Variants in SORCS2 observed in about 807,000 individuals in gnomAD.
SORCS2 encodes sortilin related VPS10 domain containing receptor 2.
Under a neutral mutation model 141.6 loss-of-function variants are expected in SORCS2, and 100 were observed. The ratio of observed to expected loss-of-function variants is 0.71; its 90% CI spans 0.60 to 0.83. SORCS2 has a LOEUF of 0.83. Ranked by LOEUF, SORCS2 falls within the 40% of genes least tolerant of loss-of-function variation. The pLI is 0.00. For missense variants in SORCS2, 1,646 were observed against 1,560.2 expected, an observed-to-expected ratio of 1.05 and a Z score of -0.93; for synonymous variants, 789 against 676.9, an observed-to-expected ratio of 1.17 and a Z score of -2.57.
At position 7,312,348 on chromosome 4, in the gene SORCS2, C is replaced by T. The variant is rs533531398; in HGVS notation, c.481-83940C>T. 3.0e-4 allele frequency among the ~76,000 whole-genome samples: 45 copies of T among 152,332 alleles called. No individual in the cohort carries two copies. The East Asian group carries it at 3.5e-3, about 12-fold the overall frequency. On this transcript the variant is annotated intron_variant, in intron 1 of 26. Coordinates refer to ENST00000507866, the MANE Select transcript of SORCS2 (RefSeq NM_020777.3). ...GCTGGACCCTGAGAAGCTCCCACTC[C>T]GGTCTATTGATCTTGTCCTGGCTCT... is the stretch of plus-strand genomic sequence containing the variant.
At chr4:7,441,514 G>C (rs980145082) in intron 2 of SORCS2, among the ~76,000 whole-genome samples, 1 of 151,960 alleles carries the variant, frequency 6.6e-6, no homozygotes, top group Admixed American at 6.5e-5. Context: ...GGCGCAGGCC[G>C]GCAGGAGAGG....
intron 2 of SORCS2, chr4:7,431,451 T>A (rs1375790424): frequency 6.6e-6 from 1 of 152,208 alleles, no homozygotes; most frequent in African/African-American, 2.4e-5. Flanking sequence ...TCCTCCCGAC[T>A]CACAGCCAAG....
chr4:7,503,790 G>A (rs1030043254), intron 2 of SORCS2, among the ~76,000 whole-genome samples: 21 of 152,168 alleles, frequency 1.4e-4, no homozygotes, highest in African/African-American at 1.9e-4. Context: ...AAAGGAGACC[G>A]CTGGCCCCTG....
intron 2 of SORCS2, among the ~76,000 whole-genome samples, chr4:7,398,301 T>A (rs1577499575): frequency 6.6e-6 from 1 of 151,886 alleles, no homozygotes; most frequent in Non-Finnish European, 1.5e-5. Flanking sequence ...AAGGGTGGGG[T>A]GGTGGGGACT....
chr4:7,571,966 C>A (rs1715430295), intron 3 of SORCS2, among the ~76,000 whole-genome samples: 2 of 152,166 alleles, frequency 1.3e-5, no homozygotes, highest in African/African-American at 4.8e-5. Context: ...TGCCTGTCCT[C>A]CAGGCACCAG....
At chr4:7,572,490 A>G (rs990142860) in intron 3 of SORCS2, among the ~76,000 whole-genome samples, 2 of 152,184 alleles carry the variant, frequency 1.3e-5, no homozygotes, top group African/African-American at 4.8e-5. Context: ...GAGCAATAAG[A>G]TATTCAACAC....
At chr4:7,485,383 C>T (rs1266524084) in intron 2 of SORCS2, among the ~76,000 whole-genome samples, 1 of 152,230 alleles carries the variant, frequency 6.6e-6, no homozygotes, top group African/African-American at 2.4e-5. Context: ...CACAACTATC[C>T]CGTCACACCA....
chr4:7,224,540 G>C (rs1728890033), intron 1 of SORCS2, among the ~76,000 whole-genome samples: 1 of 152,198 alleles, frequency 6.6e-6, no homozygotes, highest in African/African-American at 2.4e-5. Context: ...CCATGGCTGG[G>C]GGAGTGTATT....
chr4:7,199,811 T>C (rs1727386398), intron 1 of SORCS2, among the ~76,000 whole-genome samples: 1 of 152,100 alleles, frequency 6.6e-6, no homozygotes, highest in Non-Finnish European at 1.5e-5. Context: ...TGCTGGTCTG[T>C]TCCTGTTGCC....
chr4:7,557,949 C>G lies in SORCS2; in HGVS notation c.648+26320C>G, dbSNP rs142391013. ...GAAAATGAGGCTCAGAGAGGCAGAG[C>G]GACCTACTCACAGACACCAAGAAGA... On this transcript the variant is annotated intron_variant, in intron 3 of 26. Coordinates refer to ENST00000507866, the MANE Select transcript of SORCS2 (RefSeq NM_020777.3). Among the ~76,000 whole-genome samples, 29 of 152,320 alleles carry G rather than the reference C, an allele frequency of 1.9e-4. No homozygotes were observed. The East Asian group carries it at 5.2e-3, about 27-fold the overall frequency.
chr4:7,434,347 G>A (rs763107725), intron 2 of SORCS2: 15 of 1,608,722 alleles, frequency 9.3e-6, no homozygotes, highest in African/African-American at 6.7e-5. Context: ...TCCTTCAGGC[G>A]CCTGGCGGGG....
At chr4:7,640,135 G>C (rs1720590454) in intron 4 of SORCS2, among the ~76,000 whole-genome samples, 1 of 151,614 alleles carries the variant, frequency 6.6e-6, no homozygotes, top group South Asian at 2.1e-4. Context: ...GCGAGTGTGA[G>C]TGTACATGAG....
At chr4:7,440,609 C>G (rs183585381) in intron 2 of SORCS2, among the ~76,000 whole-genome samples, 5 of 152,192 alleles carry the variant, frequency 3.3e-5, no homozygotes, top group Admixed American at 6.5e-5. Context: ...CCAGCCTGCT[C>G]TGGAACTTGG....
chr4:7,306,121 A>G (rs881240), intron 1 of SORCS2, among the ~76,000 whole-genome samples: 117,223 of 151,674 alleles, frequency 0.77, 47,411 homozygotes, highest in Non-Finnish European at 0.89. Context: ...CCCTGTCCCC[A>G]TCCCACGCTC....
intron 2 of SORCS2, among the ~76,000 whole-genome samples, chr4:7,480,019 G>T (rs1730535064): frequency 6.6e-6 from 1 of 152,240 alleles, no homozygotes; most frequent in Non-Finnish European, 1.5e-5. Flanking sequence ...TTAGGCACCT[G>T]CCAGCCTCGC....
chr4:7,724,717 T>A (rs111161948), intron 19 of SORCS2, among the ~76,000 whole-genome samples: 1 of 19,560 alleles, frequency 5.1e-5, no homozygotes. Context: ...GGTGATAGTA[T>A]TGGTGGGAAT....
intron 1 of SORCS2, among the ~76,000 whole-genome samples, chr4:7,243,686 G>C (rs1188163884): frequency 6.6e-6 from 1 of 152,256 alleles, no homozygotes; most frequent in Non-Finnish European, 1.5e-5. Flanking sequence ...TCGTTGGCAT[G>C]AATCATGTGG....
intron 1 of SORCS2, among the ~76,000 whole-genome samples, chr4:7,368,408 G>A (rs1440571810): frequency 1.3e-5 from 2 of 152,224 alleles, no homozygotes; most frequent in Non-Finnish European, 2.9e-5. Context: ...CACTGCCCAG[G>A]TGCACATCTT....
At chr4:7,366,993 T>C (rs774859324) in intron 1 of SORCS2, among the ~76,000 whole-genome samples, 18 of 152,200 alleles carry the variant, frequency 1.2e-4, no homozygotes, top group Non-Finnish European at 2.2e-4. Flanking sequence ...CAGATGGATA[T>C]AGGCTAGTGC....
Sources: allele counts gnomAD v4.1 joint callset (sites outside exome capture counted in the v4.1 genomes callset), GRCh38; gene constraint gnomAD v4.1.1; transcripts MANE v1.5; gene names NCBI Gene and HGNC (gene_info 2026-07-23, HGNC 2026-07-21).